Variants in MDFI observed in about 807,000 individuals in gnomAD.
MDFI encodes inhibitor of MyoD family a.
MDFI carries 16 observed loss-of-function variants against 22.3 expected under a neutral mutation model. The ratio of observed to expected loss-of-function variants is 0.72; its 90% CI spans 0.49 to 1.09. The LOEUF (loss-of-function observed/expected upper bound fraction) is 1.09, where lower values mean the gene tolerates loss of function less well. MDFI is among the 50% of genes least tolerant of loss of function. The pLI, the probability that MDFI is intolerant of heterozygous loss-of-function variation, is 0.00. For synonymous variants in MDFI, 145 were observed against 142.7 expected, an observed-to-expected ratio of 1.02 and a Z score of -0.12; for missense variants, 314 against 326.1, an observed-to-expected ratio of 0.96 and a Z score of 0.29.
intron 4 of MDFI, among the ~76,000 whole-genome samples, chr6:41,652,202 G>A (rs772026448): frequency 2.0e-5 from 3 of 152,228 alleles, no homozygotes; most frequent in Non-Finnish European, 2.9e-5. Context: ...GAGGGACTCA[G>A]CCAAGCACGT....
chr6:41,639,145 G>T (rs1767752603), intron 2 of MDFI: 1 of 766,980 alleles, frequency 1.3e-6, no homozygotes, highest in Non-Finnish European at 1.6e-6. Flanking sequence ...TGGGATTTGT[G>T]TCTCAACTGT....
In MDFI at chr6:41,649,844, G is replaced by A; in HGVS notation, c.484+1G>A. ...CAGATCCCCCTCCAGGCACAGGAAG[G>A]TAAGCACCCATCCCATCTCTCCCTG... On this transcript the variant is annotated splice_donor_variant, in intron 4 of 4. Transcript: ENST00000230321. LOFTEE classifies it high-confidence loss of function. The A allele has an allele frequency of 1.2e-6, 2 of 1,612,476 alleles. No individual in the cohort carries two copies. Among genetic ancestry groups the A allele is most frequent in the South Asian group, 1.1e-5 (1 of 90,758 alleles).
chr6:41,647,185 C>A (rs1387072217), intron 3 of MDFI, among the ~76,000 whole-genome samples: 1 of 152,196 alleles, frequency 6.6e-6, no homozygotes. Context: ...CACCCACTAG[C>A]AGAATTGAGA....
At chr6:41,643,532 G>GGAAGGAAGGAA (rs1561829502) in intron 2 of MDFI, among the ~76,000 whole-genome samples, 38 of 130,066 alleles carry the variant, frequency 2.9e-4, no homozygotes, top group African/African-American at 1.1e-3. Context: ...ACAGGAAGGA[G>GGAAGGAAGGAA]GGAAGGAGGG....
At chr6:41,652,918 G>A (rs907246827) in intron 4 of MDFI, among the ~76,000 whole-genome samples, 2 of 152,094 alleles carry the variant, frequency 1.3e-5, no homozygotes, top group Non-Finnish European at 2.9e-5. Context: ...GGGCCCGGCC[G>A]ACTTCTCTTA....
intron 3 of MDFI, among the ~76,000 whole-genome samples, chr6:41,647,387 G>A (rs1474237454): frequency 6.6e-6 from 1 of 152,140 alleles, no homozygotes; most frequent in Non-Finnish European, 1.5e-5. Flanking sequence ...TGGTCAGTGT[G>A]CCCATGTTTC....
In MDFI at chr6:41,653,504, G is replaced by C; in HGVS notation, c.670G>C (p.Asp224His). Residue 224 changes from aspartate (D) to histidine (H), a missense_variant, in exon 5 of 5, where the codon GAT (aspartate) becomes CAT (histidine). By Grantham distance (81) the Asp-to-His change is moderately conservative (BLOSUM62 -1). Transcript: ENST00000230321. The surrounding 1 kb of genome is among the most constrained non-coding windows in gnomAD (Gnocchi z 4.2). ...LPCDLDCGIL[D>H]ACCESADCLE... Reference sequence around the variant, plus strand: ...CTGCGACCTGGACTGCGGCATCCTGGATGCCTGCTGCGAGTCCGCGGACTG... The same window carrying C: ...CTGCGACCTGGACTGCGGCATCCTGCATGCCTGCTGCGAGTCCGCGGACTG... 1 of 1,602,612 alleles carries C rather than the reference G, an allele frequency of 6.2e-7. No homozygotes were observed. Among genetic ancestry groups the C allele is most frequent in the Non-Finnish European group, 8.5e-7 (1 of 1,179,948 alleles).
intron 2 of MDFI, among the ~76,000 whole-genome samples, chr6:41,644,918 C>A (rs1221192002): frequency 6.6e-6 from 1 of 151,706 alleles, no homozygotes; most frequent in Non-Finnish European, 1.5e-5. Context: ...TGCCCGTGTC[C>A]CCCTCTGTGT....
At chr6:41,638,460 G>T, upstream of MDFI, 1 of 466,092 alleles carries the variant, frequency 2.1e-6, no homozygotes, top group South Asian at 2.5e-5. The surrounding 1 kb of genome is among the most constrained non-coding windows in gnomAD (Gnocchi z 7.6). Flanking sequence ...GCTGGAGGGA[G>T]AGAAGGAAGA....
Position 41,651,263 on chromosome 6 carries a change from C to G in MDFI, c.484+1420C>G, listed in dbSNP as rs1264828045. On this transcript the variant is annotated intron_variant, in intron 4 of 4. Transcript: ENST00000230321. ...GACCTCATAAAGCTCTCATGAGAGA[C>G]GTAGATAGGTAATCGCCATACGATG... Among the ~76,000 whole-genome samples the G allele has an allele frequency of 1.3e-5, 2 of 149,348 alleles. 1 individual carries two copies. Among genetic ancestry groups the G allele is most frequent in the Non-Finnish European group, 3.0e-5 (2 of 67,334 alleles).
intron 2 of MDFI, chr6:41,639,412 C>G: frequency 1.0e-6 from 1 of 985,452 alleles, no homozygotes; most frequent in Non-Finnish European, 1.2e-6. Context: ...AACCCAGTGT[C>G]TTCAGCCCAA....
At chr6:41,648,042 C>CAAAAAAAAAAAA in intron 3 of MDFI, among the ~76,000 whole-genome samples, 1 of 65,550 alleles carries the variant, frequency 1.5e-5, no homozygotes, top group Non-Finnish European at 2.7e-5. Flanking sequence ...GACTCCGTCT[C>CAAAAAAAAAAAA]AAAAAAAAAA....
rs74973041 is a variant in MDFI, at chr6:41,653,649, C to T, written c.*74C>T. 4,873 of 1,562,826 alleles carry T rather than the reference C, an allele frequency of 3.1e-3. 116 individuals carry two copies. In the African/African-American group the frequency reaches 0.053, roughly 17 times the overall value. ...GGGTCCCTCTGAGTGGGGCCAGGCC[C>T]AGGACTGTCACACAAGGCTTGAGAA... is the stretch of plus-strand genomic sequence containing the variant. On this transcript the variant is annotated 3_prime_UTR_variant, in exon 5 of 5. Transcript: ENST00000230321. This position sits in a 1 kb window ranked among gnomAD's most constrained non-coding sequence, Gnocchi z 4.2.
chr6:41,646,833 G>A (rs1046148230), intron 3 of MDFI, among the ~76,000 whole-genome samples: 3 of 152,156 alleles, frequency 2.0e-5, no homozygotes, highest in Non-Finnish European at 4.4e-5. Flanking sequence ...TATAACTAAC[G>A]AAGATTTGCC....
At position 41,638,505 on chromosome 6, in the gene MDFI, T is replaced by G; in HGVS notation, c.-159T>G. On this transcript the variant is annotated 5_prime_UTR_variant, in exon 1 of 5. It removes an upstream start codon present in the reference 5' UTR. Transcript: ENST00000230321. The surrounding 1 kb of genome is among the most constrained non-coding windows in gnomAD (Gnocchi z 7.6). Reference sequence around the variant, plus strand: ...CGAACGGCGTGAGCTGGCGCCGAAATGGGAGAAAGCAGCGAGTGAGAGGGG... The same window carrying G: ...CGAACGGCGTGAGCTGGCGCCGAAAGGGGAGAAAGCAGCGAGTGAGAGGGG... 2 of 514,922 alleles carry G rather than the reference T, an allele frequency of 3.9e-6. No homozygotes were observed. Among genetic ancestry groups the G allele is most frequent in the Non-Finnish European group, 6.8e-6 (2 of 294,376 alleles). The allele number at this position is 514,922 out of a possible 1,614,324, so 31.9% of individuals were successfully genotyped here.
chr6:41,642,377 C>A (rs1767883661), intron 2 of MDFI, among the ~76,000 whole-genome samples: 1 of 152,208 alleles, frequency 6.6e-6, no homozygotes, highest in Non-Finnish European at 1.5e-5. Context: ...CCCCACACTT[C>A]CACCCTCCAG....
chr6:41,653,848 C>A lies in MDFI; in HGVS notation c.*273C>A. 1 of 534,874 alleles carries A rather than the reference C, an allele frequency of 1.9e-6. No homozygotes were observed. Among genetic ancestry groups the A allele is most frequent in the East Asian group, 3.2e-5 (1 of 31,334 alleles). 33.1% of individuals were successfully genotyped at this position (534,874 alleles called of 1,614,324 possible). ...GGTTCATACATTGCTGAGGACCTGA[C>A]AGGACAACCTAGGGGCAGGGCTGGG... On this transcript the variant is annotated 3_prime_UTR_variant, in exon 5 of 5. Coordinates refer to ENST00000230321, the MANE Select transcript of MDFI (RefSeq NM_005586.4). This position sits in a 1 kb window ranked among gnomAD's most constrained non-coding sequence, Gnocchi z 4.2.
chr6:41,638,911 G>A lies in MDFI; in HGVS notation c.76+86G>A, dbSNP rs1767738731. 7.3e-7 allele frequency: 1 copy of A among 1,366,800 alleles called. No individual in the cohort carries two copies. Among genetic ancestry groups the A allele is most frequent in the Non-Finnish European group, 9.8e-7 (1 of 1,017,552 alleles). The allele number at this position is 1,366,800 out of a possible 1,614,324, so 84.7% of individuals were successfully genotyped here. On this transcript the variant is annotated intron_variant, in intron 2 of 4. Coordinates refer to ENST00000230321, the MANE Select transcript of MDFI (RefSeq NM_005586.4). This position sits in a 1 kb window ranked among gnomAD's most constrained non-coding sequence, Gnocchi z 7.6. Reference sequence around the variant, plus strand: ...TTATTAGTTCTCCTCTCCGTCCCCAGACGCGGGGAGACCGTTCCAGGGAGC... The same window carrying A: ...TTATTAGTTCTCCTCTCCGTCCCCAAACGCGGGGAGACCGTTCCAGGGAGC...
rs558134860 is a variant in MDFI at position 41,642,909 on chromosome 6, G to C, written c.77-3217G>C. Among the ~76,000 whole-genome samples the C allele has an allele frequency of 6.6e-5, 10 of 152,252 alleles. No homozygotes were observed. In the East Asian group the frequency reaches 1.9e-3, roughly 29 times the overall value. On this transcript the variant is annotated intron_variant, in intron 2 of 4. Coordinates refer to ENST00000230321, the MANE Select transcript of MDFI (RefSeq NM_005586.4). ...GCTGCCCAGAGAGCAGAGACACTTT[G>C]GGTAAGGCAGGTGGAGATGTGAACT...
Sources: allele counts gnomAD v4.1 joint callset (sites outside exome capture counted in the v4.1 genomes callset), GRCh38; gene constraint gnomAD v4.1.1; non-coding constraint Gnocchi (gnomAD v3.1); transcripts MANE v1.5; gene names NCBI Gene and HGNC (gene_info 2026-07-23, HGNC 2026-07-21).